Variants in CFAP100 observed in about 807,000 individuals in gnomAD.
CFAP100 encodes cilia- and flagella-associated protein 100.
CFAP100 carries 70 observed loss-of-function variants against 81.5 expected under a neutral mutation model. The observed-to-expected ratio is 0.86, with a 90% confidence interval of 0.71 to 1.05. The LOEUF (loss-of-function observed/expected upper bound fraction) is 1.05, where lower values mean the gene tolerates loss of function less well. Ranked by LOEUF, CFAP100 falls within the 50% of genes least tolerant of loss-of-function variation. The pLI is 0.00. For synonymous variants in CFAP100, 341 were observed against 314.8 expected (o/e 1.08, Z -0.88); for missense variants, 811 against 776.5 (o/e 1.04, Z -0.53).
In CFAP100 at chr3:126,396,036, C is replaced by T. The variant is rs918064981; in HGVS notation, c.36C>T (p.Asn12=). The T allele has an allele frequency of 1.9e-6, 3 of 1,613,896 alleles. No individual in the cohort carries two copies. The highest frequency in any genetic ancestry group is 2.7e-5 in the African/African-American group (2 of 74,930). ...SEIPSTIVSK[N]MTNDKNSLES... is the part of the protein sequence containing the mutation. ...TACCGTCCACTATAGTCTCCAAGAA[C>T]ATGACCAATGACAGTAAGTACCGGG... The change falls in exon 2 of 17, where the codon AAC becomes AAT. Residue 12 remains asparagine, a synonymous_variant. Transcript: ENST00000352312.
At chr3:126,434,504 G>T (rs1445091589) in intron 15 of CFAP100, 123 bp downstream of exon 15, 21 of 961,938 alleles carry the variant, frequency 2.2e-5, no homozygotes, top group African/African-American at 5.0e-5. Flanking sequence ...TGTGCTATGA[G>T]AGACAAAAGC....
intron 13 of CFAP100, among the ~76,000 whole-genome samples, chr3:126,424,211 C>T (rs78727515): frequency 0.051 from 7,784 of 152,242 alleles, 241 homozygotes; most frequent in Non-Finnish European, 0.059. Flanking sequence ...GCCCTGAGCA[C>T]GAGGACATGG....
intron 4 of CFAP100, 52 bp downstream of exon 4, chr3:126,414,231 T>TCCAGGAAGCAGTGGGA: frequency 7.5e-7 from 1 of 1,331,900 alleles, no homozygotes; most frequent in Non-Finnish European, 1.1e-6. Context: ...CTGCTCCCAC[T>TCCAGGAAGCAGTGGGA]GCTTCCTGGA....
rs200355783 is a variant in CFAP100, at chr3:126,433,251, C to G, written c.1422+47C>G. On this transcript the variant is annotated intron_variant, in intron 14 of 16. Transcript: ENST00000352312. ...CCAGAGGCCCAGGGTAAGGAGGGACCCTTGGGCACCCACTGGAGGAGCCCT... is the reference window on the plus strand; with the variant it reads ...CCAGAGGCCCAGGGTAAGGAGGGACGCTTGGGCACCCACTGGAGGAGCCCT... 1.0e-4 allele frequency: 162 copies of G among 1,604,326 alleles called. No homozygotes were observed. In the African/African-American group the frequency reaches 1.6e-3, roughly 16 times the overall value.
At chr3:126,433,580 G>A (rs1359760160) in intron 14 of CFAP100, 1 of 223,160 alleles carries the variant, frequency 4.5e-6, no homozygotes, top group Admixed American at 5.3e-5. Context: ...CAGAAGCCAG[G>A]ACCCAGACAA....
At position 126,416,444 on chromosome 3, in the gene CFAP100, C is replaced by T. The variant is rs1009220894; in HGVS notation, c.354C>T (p.Arg118=). ...ACAAGCAGGAGGACCTGGAGGCGCG[C>T]GCCGAGGCCGAGCATCAGCGCGCCT... is the stretch of plus-strand genomic sequence containing the variant. ...LEDKQEDLEA[R]AEAEHQRAFR... The change falls in exon 5 of 17, where the codon CGC becomes CGT. Residue 118 remains arginine (R), a synonymous_variant. Transcript: ENST00000352312. 6.2e-7 allele frequency: 1 copy of T among 1,610,586 alleles called. No individual in the cohort carries two copies. Among genetic ancestry groups the T allele is most frequent in the Non-Finnish European group, 8.5e-7 (1 of 1,178,946 alleles).
At chr3:126,405,677 A>AATAC (rs1440803814) in intron 2 of CFAP100, among the ~76,000 whole-genome samples, 2 of 151,566 alleles carry the variant, frequency 1.3e-5, no homozygotes, top group African/African-American at 2.4e-5. Flanking sequence ...TAAATAAATA[A>AATAC]ATAAATAAAA....
intron 4 of CFAP100, 150 bp downstream of exon 4, chr3:126,414,329 C>T (rs564462601): frequency 2.7e-6 from 2 of 741,864 alleles, no homozygotes; most frequent in Admixed American, 3.8e-5. Context: ...ACTATAAAAT[C>T]AGCTGGAAAC....
intron 3 of CFAP100, among the ~76,000 whole-genome samples, chr3:126,413,641 G>A (rs1000627331): frequency 8.5e-5 from 13 of 152,250 alleles, no homozygotes; most frequent in African/African-American, 2.9e-4. Context: ...CCTTCCCTGG[G>A]AGGACTGGAG....
chr3:126,432,922 C>G, intron 13 of CFAP100, 147 bp from the exon 14 acceptor site: 2 of 686,318 alleles, frequency 2.9e-6, no homozygotes, highest in East Asian at 3.1e-5. Context: ...TTCTGACCCC[C>G]TGGGCATGCA....
chr3:126,416,227 C>CCGCGTCCCCGGCCTCTGGTCCG, intron 4 of CFAP100, 89 bp from the exon 5 acceptor site: 2 of 1,096,176 alleles, frequency 1.8e-6, no homozygotes, highest in Non-Finnish European at 2.6e-6. Flanking sequence ...GCGCGCAAAC[C>CCGCGTCCCCGGCCTCTGGTCCG]CGCGTCCCTA....
In CFAP100 at chr3:126,418,784, C is replaced by T. The variant is rs925265011; in HGVS notation, c.650+10C>T. 60 of 1,574,696 alleles carry T rather than the reference C, an allele frequency of 3.8e-5. No homozygotes were observed. Among genetic ancestry groups the T allele is most frequent in the Non-Finnish European group, 4.2e-5 (49 of 1,164,266 alleles). On this transcript the variant is annotated intron_variant, in intron 7 of 16. Coordinates refer to ENST00000352312, the MANE Select transcript of CFAP100 (RefSeq NM_182628.3). ...TGCAGGCCATGAGAGCGTGAGCCTG[C>T]GGGCCCGAGGGGCTGGCTGGGCAAT... is the stretch of plus-strand genomic sequence containing the variant.
In CFAP100 at chr3:126,407,693, G is replaced by C. The variant is rs1349657535; in HGVS notation, c.130+441G>C. On this transcript the variant is annotated intron_variant, in intron 3 of 16. Transcript: ENST00000352312. ...ACCCTTCAGCCAACTTAGCCTTCTA[G>C]GGGAAGGGATTTTTCCCAAAAGTTC... Among the ~76,000 whole-genome samples, 4 of 152,208 alleles carry C rather than the reference G, an allele frequency of 2.6e-5. No homozygotes were observed. In the East Asian group the frequency reaches 7.7e-4, roughly 29 times the overall value.
At position 126,436,492 on chromosome 3, in the gene CFAP100, A is replaced by T; in HGVS notation, c.*88A>T. 4 of 893,330 alleles carry T rather than the reference A, an allele frequency of 4.5e-6. No homozygotes were observed. In the South Asian group the frequency reaches 6.0e-5, roughly 13 times the overall value. The allele number at this position is 893,330 out of a possible 1,614,324, so 55.3% of individuals were successfully genotyped here. On this transcript the variant is annotated 3_prime_UTR_variant, in exon 17 of 17. Transcript: ENST00000352312. ...GACTGGGCTGGGTCTCGAGTGGCCC[A>T]ACTGAGTCCTCTCTGTCTCCTGTGT...
chr3:126,411,371 T>TG (rs1329223719), intron 3 of CFAP100, among the ~76,000 whole-genome samples: 1 of 139,168 alleles, frequency 7.2e-6, no homozygotes, highest in Admixed American at 7.2e-5. Flanking sequence ...GTTTTTTTTT[T>TG]TTTTTTTTTT....
intron 15 of CFAP100, 167 bp downstream of exon 15, chr3:126,434,548 G>A: frequency 1.5e-6 from 1 of 668,640 alleles, no homozygotes; most frequent in Non-Finnish European, 2.5e-6. Flanking sequence ...GGGCATCACA[G>A]TCAAGTGGGG....
intron 2 of CFAP100, among the ~76,000 whole-genome samples, chr3:126,406,814 C>G (rs6439009): frequency 0.97 from 148,018 of 152,284 alleles, 72,106 homozygotes; most frequent in Non-Finnish European, 1. Context: ...GCACTGGCCA[C>G]GCCGGGGTCA....
rs1933000688 is a variant in CFAP100, at chr3:126,427,402, T to C, written c.1286+3758T>C. On this transcript the variant is annotated intron_variant, in intron 13 of 16. Coordinates refer to ENST00000352312, the MANE Select transcript of CFAP100 (RefSeq NM_182628.3). ...AATGCATGTTATGTGTAACCTGTTG[T>C]GGAGCAATGGATAACCAAAGTAGCT... 1.3e-5 allele frequency among the ~76,000 whole-genome samples: 2 copies of C among 152,234 alleles called. 1 individual carries two copies. The highest frequency in any genetic ancestry group is 4.1e-4 in the South Asian group (2 of 4,820).
At chr3:126,432,985 G>C (rs908734948) in intron 13 of CFAP100, 84 bp from the exon 14 acceptor site, 13 of 1,533,036 alleles carry the variant, frequency 8.5e-6, no homozygotes, top group Admixed American at 7.1e-5. Flanking sequence ...TAGGGGCAAA[G>C]CACTGTACAG....
Sources: allele counts gnomAD v4.1 joint callset (sites outside exome capture counted in the v4.1 genomes callset), GRCh38; gene constraint gnomAD v4.1.1; transcripts MANE v1.5; gene names NCBI Gene and HGNC (gene_info 2026-07-23, HGNC 2026-07-21).